Variants in ADGRV1 observed in about 807,000 individuals in gnomAD.
ADGRV1 encodes the protein G-protein coupled receptor 98.
In ADGRV1, 359 loss-of-function variants were observed where a neutral mutation model predicts 596.2. The ratio of observed to expected loss-of-function variants is 0.60; its 90% confidence interval spans 0.55 to 0.66. The LOEUF (loss-of-function observed/expected upper bound fraction) is 0.66, where lower values mean the gene tolerates loss of function less well. Among genes scored for constraint, ADGRV1 ranks in the 30% least tolerant of loss-of-function variants. The pLI is 0.00. For missense variants in ADGRV1, 7,274 were observed against 7,575.6 expected (o/e 0.96, Z 1.48); for synonymous variants, 2,681 against 2,679.2 (o/e 1.00, Z -0.02).
intron 83 of ADGRV1, among the ~76,000 whole-genome samples, chr5:90,960,143 A>AC: frequency 7.2e-6 from 1 of 139,248 alleles, no homozygotes; most frequent in Non-Finnish European, 1.5e-5. Context: ...ATCTCAAAAA[A>AC]AAAAAAAAAA....
At chr5:90,894,200 A>G (rs1395973675) in intron 83 of ADGRV1, among the ~76,000 whole-genome samples, 2 of 152,182 alleles carry the variant, frequency 1.3e-5, no homozygotes, top group Admixed American at 6.6e-5. Context: ...GGCACATGCT[A>G]TTCCCAAGGC....
chr5:90,802,959 G>A, intron 71 of ADGRV1, 77 bp downstream of exon 71: 1 of 1,260,712 alleles, frequency 7.9e-7, no homozygotes, highest in Non-Finnish European at 1.1e-6. Flanking sequence ...GACTCTTAGA[G>A]CTAGAATTTC....
At chr5:91,060,521 C>T (rs1001885664) in intron 85 of ADGRV1, among the ~76,000 whole-genome samples, 15 of 152,012 alleles carry the variant, frequency 9.9e-5, no homozygotes, top group Non-Finnish European at 4.4e-5. Context: ...TGAGCCACCA[C>T]ACCAAGCCAC....
chr5:90,632,848 A>G (rs892717557), intron 9 of ADGRV1, among the ~76,000 whole-genome samples: 1 of 152,176 alleles, frequency 6.6e-6, no homozygotes, highest in African/African-American at 2.4e-5. Context: ...TGAACAAGGC[A>G]TTATTAGTCA....
intron 86 of ADGRV1, among the ~76,000 whole-genome samples, chr5:91,095,224 C>T (rs1044491184): frequency 4.0e-5 from 6 of 151,318 alleles, no homozygotes; most frequent in East Asian, 3.9e-4. Context: ...TTTTTTTACA[C>T]GGGGTCTCAC....
chr5:90,796,498 T>C (rs950123182), intron 70 of ADGRV1, among the ~76,000 whole-genome samples: 1 of 152,166 alleles, frequency 6.6e-6, no homozygotes, highest in African/African-American at 2.4e-5. Flanking sequence ...TACGTTTGAT[T>C]GGTGTACCTG....
chr5:90,838,190 G>A (rs558156491), intron 77 of ADGRV1, among the ~76,000 whole-genome samples: 1 of 152,092 alleles, frequency 6.6e-6, no homozygotes, highest in East Asian at 1.9e-4. Flanking sequence ...ATTTCCTTCA[G>A]TAAGGCTTTT....
At chr5:90,798,627 A>G (rs528030897) in intron 70 of ADGRV1, among the ~76,000 whole-genome samples, 26 of 152,340 alleles carry the variant, frequency 1.7e-4, no homozygotes, top group Admixed American at 1.4e-3. Flanking sequence ...CAACAAAAAA[A>G]GAAAATTTCA....
chr5:90,983,383 A>T (rs1389911796), intron 84 of ADGRV1, among the ~76,000 whole-genome samples: 1 of 152,162 alleles, frequency 6.6e-6, no homozygotes, highest in Admixed American at 6.6e-5. Context: ...AAAATGTCTC[A>T]ATCTTTATCA....
At chr5:90,579,587 T>C (rs1007645751) in intron 1 of ADGRV1, among the ~76,000 whole-genome samples, 3 of 152,158 alleles carry the variant, frequency 2.0e-5, no homozygotes, top group African/African-American at 7.2e-5. Context: ...ATTCTGTTGA[T>C]TTGGGGTGGA....
chr5:90,712,531 C>G (rs1749502109), intron 42 of ADGRV1, 103 bp downstream of exon 42: 2 of 868,776 alleles, frequency 2.3e-6, no homozygotes, highest in African/African-American at 3.4e-5. Context: ...GTTTTCTGTG[C>G]TTAAAATGAG....
intron 87 of ADGRV1, among the ~76,000 whole-genome samples, chr5:91,107,127 A>T (rs1197061651): frequency 6.6e-6 from 1 of 152,174 alleles, no homozygotes; most frequent in Non-Finnish European, 1.5e-5. Flanking sequence ...GTGGAATCTG[A>T]TCATTTGCAT....
intron 86 of ADGRV1, among the ~76,000 whole-genome samples, chr5:91,097,423 C>G (rs1790969441): frequency 6.6e-6 from 1 of 152,230 alleles, no homozygotes; most frequent in South Asian, 2.1e-4. Flanking sequence ...GAACGTGGCA[C>G]TGACTAATAT....
At chr5:90,723,144 T>C (rs1040219244) in intron 45 of ADGRV1, among the ~76,000 whole-genome samples, 1 of 152,084 alleles carries the variant, frequency 6.6e-6, no homozygotes, top group Non-Finnish European at 1.5e-5. Context: ...TATAGAAAGA[T>C]GGGGAATTAA....
chr5:90,790,249 A>G (rs894599905), intron 69 of ADGRV1, among the ~76,000 whole-genome samples: 1 of 152,178 alleles, frequency 6.6e-6, no homozygotes, highest in Non-Finnish European at 1.5e-5. Flanking sequence ...TTGTCTTTGC[A>G]TGTATATTTA....
intron 83 of ADGRV1, among the ~76,000 whole-genome samples, chr5:90,961,402 C>T (rs1210640542): frequency 2.0e-5 from 3 of 146,504 alleles, no homozygotes; most frequent in African/African-American, 7.6e-5. Context: ...GCAGGAGATT[C>T]GCTTGAACCC....
At chr5:90,573,392 C>T (rs1756794861) in intron 1 of ADGRV1, among the ~76,000 whole-genome samples, 1 of 152,118 alleles carries the variant, frequency 6.6e-6, no homozygotes, top group Non-Finnish European at 1.5e-5. Flanking sequence ...ATAGAGTGTA[C>T]TTACACAAAC....
intron 76 of ADGRV1, among the ~76,000 whole-genome samples, chr5:90,826,889 G>A (rs928048167): frequency 2.0e-5 from 3 of 151,904 alleles, no homozygotes; most frequent in South Asian, 2.1e-4. Flanking sequence ...TAAGTAACTC[G>A]CCCAATTCAA....
intron 1 of ADGRV1, among the ~76,000 whole-genome samples, chr5:90,589,365 T>C (rs375716657): frequency 1.3e-3 from 201 of 152,318 alleles, no homozygotes; most frequent in African/African-American, 4.7e-3. Context: ...GTGAATTTTC[T>C]TCAAAGGTAA....
Sources: allele counts gnomAD v4.1 joint callset (sites outside exome capture counted in the v4.1 genomes callset), GRCh38; gene constraint gnomAD v4.1.1; transcripts MANE v1.5; gene names NCBI Gene and HGNC (gene_info 2026-07-23, HGNC 2026-07-21).